Variants in SLC22A3 observed in about 807,000 individuals in gnomAD.
The protein encoded by SLC22A3 is EMT organic cation transporter 3.
Under a neutral mutation model 59.1 loss-of-function variants are expected in SLC22A3, and 51 were observed. The observed-to-expected ratio is 0.86, with a 90% CI of 0.69 to 1.09. The LOEUF is 1.09. Ranked by LOEUF, SLC22A3 falls within the 50% of genes least tolerant of loss-of-function variation. The pLI is 0.00. For missense variants in SLC22A3, 711 were observed against 726.3 expected, an observed-to-expected ratio of 0.98 and a Z score of 0.24; for synonymous variants, 325 against 292.0, an observed-to-expected ratio of 1.11 and a Z score of -1.15.
intron 4 of SLC22A3, among the ~76,000 whole-genome samples, chr6:160,409,764 A>G (rs1456304600): frequency 6.6e-6 from 1 of 152,250 alleles, no homozygotes; most frequent in Non-Finnish European, 1.5e-5. Flanking sequence ...TTAATAAAAT[A>G]CCAGAACGCA....
intron 1 of SLC22A3, among the ~76,000 whole-genome samples, chr6:160,368,988 T>C (rs1477211386): frequency 6.6e-6 from 1 of 152,198 alleles, no homozygotes; most frequent in Admixed American, 6.5e-5. Context: ...CCAGGAGCCA[T>C]GAATCTGAAA....
intron 1 of SLC22A3, among the ~76,000 whole-genome samples, chr6:160,385,063 C>T (rs1424867370): frequency 6.6e-6 from 1 of 152,242 alleles, no homozygotes; most frequent in Non-Finnish European, 1.5e-5. Flanking sequence ...TAATTTTCAT[C>T]TCCAATGATT....
At position 160,348,772 on chromosome 6, in the gene SLC22A3, C is replaced by A. The variant is rs1321781874; in HGVS notation, c.353C>A (p.Pro118His). Residue 118 changes from proline to histidine, a missense_variant, in exon 1 of 11, where the codon CCC becomes CAC. Transcript: ENST00000275300. ...TGCGCGGACCCACTCGCCGCCTTCC[C>A]CAACCGCTCGGCTCCCCTTGTGCCG... ...LSCADPLAAF[P>H]NRSAPLVPCR... 1 of 1,549,546 alleles carries A rather than the reference C, an allele frequency of 6.5e-7. No homozygotes were observed. The highest frequency in any genetic ancestry group is 1.4e-5 in the African/African-American group (1 of 73,758).
rs1265614222 is a variant in SLC22A3 at position 160,417,370 on chromosome 6, G to A, written c.975+6524G>A. On this transcript the variant is annotated intron_variant, in intron 5 of 10. Coordinates refer to ENST00000275300, the MANE Select transcript of SLC22A3 (RefSeq NM_021977.4). Reference sequence around the variant, plus strand: ...CTGCAGCAGCTGACCTACAGCTGCTGTATGGGACATGGCCAAGAAAAAGCT... The same window carrying A: ...CTGCAGCAGCTGACCTACAGCTGCTATATGGGACATGGCCAAGAAAAAGCT... 2.0e-5 allele frequency among the ~76,000 whole-genome samples: 3 copies of A among 152,342 alleles called. No homozygotes were observed. The East Asian group carries it at 5.8e-4, about 29-fold the overall frequency.
chr6:160,448,438 A>AATAGATG (rs555336604), intron 10 of SLC22A3, among the ~76,000 whole-genome samples: 1 of 152,178 alleles, frequency 6.6e-6, no homozygotes, highest in Admixed American at 6.5e-5. Flanking sequence ...AATGATAAAT[A>AATAGATG]ATAGATGATA....
chr6:160,384,144 GAT>G (rs1035068564), intron 1 of SLC22A3, among the ~76,000 whole-genome samples: 65 of 152,250 alleles, frequency 4.3e-4, no homozygotes, highest in African/African-American at 1.5e-3. Context: ...TGGCTAGGCT[GAT>G]CTCAAACTCC....
At chr6:160,421,500 C>T (rs1189519663) in intron 5 of SLC22A3, among the ~76,000 whole-genome samples, 1 of 152,164 alleles carries the variant, frequency 6.6e-6, no homozygotes, top group African/African-American at 2.4e-5. Flanking sequence ...CTTCCCCTTG[C>T]CCTTTAGGAG....
chr6:160,379,959 T>C (rs1363361017), intron 1 of SLC22A3, among the ~76,000 whole-genome samples: 1 of 152,198 alleles, frequency 6.6e-6, no homozygotes, highest in Non-Finnish European at 1.5e-5. Context: ...ACAAAATCAA[T>C]TATATGAAGA....
intron 1 of SLC22A3, among the ~76,000 whole-genome samples, chr6:160,385,906 A>T (rs1196190913): frequency 6.6e-6 from 1 of 152,116 alleles, no homozygotes; most frequent in African/African-American, 2.4e-5. Flanking sequence ...TTTCAATTGG[A>T]ATGGGGAGAG....
At chr6:160,424,910 T>C (rs917201531) in intron 5 of SLC22A3, among the ~76,000 whole-genome samples, 1 of 152,218 alleles carries the variant, frequency 6.6e-6, no homozygotes, top group Non-Finnish European at 1.5e-5. Context: ...AGTATGTGTG[T>C]TCCACCAGGC....
intron 1 of SLC22A3, among the ~76,000 whole-genome samples, chr6:160,370,338 C>A (rs3127574): frequency 6.6e-6 from 1 of 152,042 alleles, no homozygotes; most frequent in Non-Finnish European, 1.5e-5. Context: ...AGTCTCCCTC[C>A]TCAAGGACAT....
intron 3 of SLC22A3, among the ~76,000 whole-genome samples, chr6:160,407,832 T>C (rs914354064): frequency 6.6e-6 from 1 of 152,180 alleles, no homozygotes; most frequent in Non-Finnish European, 1.5e-5. Flanking sequence ...CCACTTACTT[T>C]AAGAGTAGTG....
intron 8 of SLC22A3, among the ~76,000 whole-genome samples, chr6:160,443,331 A>C (rs577978010): frequency 6.6e-6 from 1 of 152,346 alleles, no homozygotes; most frequent in African/African-American, 2.4e-5. Context: ...TTCCCTGGGC[A>C]CACTTCTCCC....
At chr6:160,416,788 T>C (rs1014846670) in intron 5 of SLC22A3, among the ~76,000 whole-genome samples, 1 of 152,240 alleles carries the variant, frequency 6.6e-6, no homozygotes, top group African/African-American at 2.4e-5. Context: ...TCTCATATGA[T>C]AGACAAGTAA....
chr6:160,348,617 C>G lies in SLC22A3; in HGVS notation c.198C>G (p.Ser66Arg). The change falls in exon 1 of 11, where the codon AGC becomes AGG. Residue 66 changes from serine to arginine, a missense_variant. Coordinates refer to ENST00000275300, the MANE Select transcript of SLC22A3 (RefSeq NM_021977.4). ...CGCTGGCCGAGCGCTGCGGCTGGAG[C>G]CCGGAGGAGGAGTGGAACCGCACGG... The part of the protein sequence containing the change: ...AAALAERCGW[S>R]PEEEWNRTAP... 1 of 1,504,934 alleles carries G rather than the reference C, an allele frequency of 6.6e-7. No individual in the cohort carries two copies. Among genetic ancestry groups the G allele is most frequent in the East Asian group, 2.7e-5 (1 of 36,552 alleles). 93.2% of individuals were successfully genotyped at this position (1,504,934 alleles called of 1,614,324 possible).
chr6:160,371,969 A>G (rs1469808815), intron 1 of SLC22A3, among the ~76,000 whole-genome samples: 1 of 152,144 alleles, frequency 6.6e-6, no homozygotes, highest in Admixed American at 6.5e-5. Flanking sequence ...GGCCGGATAA[A>G]TGTCTTCTTT....
chr6:160,373,321 G>A (rs998271457), intron 1 of SLC22A3, among the ~76,000 whole-genome samples: 1 of 152,176 alleles, frequency 6.6e-6, no homozygotes, highest in Non-Finnish European at 1.5e-5. Context: ...GTTTGCCTGG[G>A]TATCACCAGT....
chr6:160,441,399 C>A (rs1436076980), intron 7 of SLC22A3, among the ~76,000 whole-genome samples: 1 of 152,134 alleles, frequency 6.6e-6, no homozygotes, highest in Admixed American at 6.5e-5. Context: ...TCAGCACAAC[C>A]CTGGCCTCCT....
rs144833821 is a variant in SLC22A3, at chr6:160,392,750, T to C, written c.430-5229T>C. On this transcript the variant is annotated intron_variant, in intron 1 of 10. Coordinates refer to ENST00000275300, the MANE Select transcript of SLC22A3 (RefSeq NM_021977.4). ...ACCAAATTATTATTTATGATTACTA[T>C]AATTTTTAGCCATTATTAGGCTCTG... 6.2e-3 allele frequency among the ~76,000 whole-genome samples: 952 copies of C among 152,338 alleles called. 5 individuals carry two copies. The highest frequency in any genetic ancestry group is 0.01 in the Non-Finnish European group (684 of 68,038).
Sources: allele counts gnomAD v4.1 joint callset (sites outside exome capture counted in the v4.1 genomes callset), GRCh38; gene constraint gnomAD v4.1.1; transcripts MANE v1.5; gene names NCBI Gene and HGNC (gene_info 2026-07-23, HGNC 2026-07-21).